TJP1: variants seen among roughly 807,000 people sequenced by gnomAD.
TJP1 encodes tight junction protein 1, also known as tight junction protein ZO-1.
TJP1 carries 43 observed loss-of-function variants against 194.2 expected under a neutral mutation model. That is an observed-to-expected ratio of 0.22 (90% CI 0.17 to 0.29). The LOEUF is 0.29. Among genes scored for constraint, TJP1 ranks in the 10% least tolerant of loss-of-function variants. The probability of loss-of-function intolerance (pLI) is 1.00; values close to 1 mark genes in which losing one functional copy is unlikely to be tolerated. For missense variants in TJP1, 1,971 were observed against 2,185.7 expected, an observed-to-expected ratio of 0.90 and a Z score of 1.96; for synonymous variants, 801 against 779.0, an observed-to-expected ratio of 1.03 and a Z score of -0.47.
intron 2 of TJP1, among the ~76,000 whole-genome samples, chr15:29,879,989 T>A (rs547533571): frequency 1.3e-5 from 2 of 152,328 alleles, no homozygotes; most frequent in South Asian, 4.2e-4. Context: ...TTCAACTGTG[T>A]TAGCTATTCT....
At chr15:29,901,147 A>G (rs997339885) in intron 2 of TJP1, among the ~76,000 whole-genome samples, 1 of 152,198 alleles carries the variant, frequency 6.6e-6, no homozygotes, top group South Asian at 2.1e-4. Context: ...AGAGAAGGGC[A>G]TTGACGGAAC....
chr15:29,871,566 A>G (rs1023021670), intron 2 of TJP1, among the ~76,000 whole-genome samples: 1 of 152,240 alleles, frequency 6.6e-6, no homozygotes, highest in Non-Finnish European at 1.5e-5. Flanking sequence ...AACCGCCTGG[A>G]GAGGCCTTCC....
At chr15:29,761,803 A>T (rs760924512) in intron 6 of TJP1, 34 bp from the exon 7 acceptor site, 2 of 1,480,298 alleles carry the variant, frequency 1.4e-6, no homozygotes, top group South Asian at 1.5e-5. Context: ...CTTGAAAGTA[A>T]ATAATAAAAT....
intron 2 of TJP1, among the ~76,000 whole-genome samples, chr15:29,891,945 A>G (rs751047299): frequency 2.8e-4 from 43 of 152,274 alleles, no homozygotes; most frequent in Non-Finnish European, 5.7e-4. Context: ...AAGGTCCGTC[A>G]TATTAAATCA....
At chr15:29,946,889 T>A (rs2055303550) in intron 2 of TJP1, among the ~76,000 whole-genome samples, 1 of 152,192 alleles carries the variant, frequency 6.6e-6, no homozygotes, top group Non-Finnish European at 1.5e-5. Flanking sequence ...GGTTGCACAG[T>A]AAAACAAGAC....
rs1008331952 is a variant in TJP1, at chr15:29,839,293, C to T, written c.307-38591G>A. Among the ~76,000 whole-genome samples the T allele has an allele frequency of 1.1e-4, 16 of 152,138 alleles. No homozygotes were observed. In the East Asian group the frequency reaches 1.6e-3, roughly 15 times the overall value. ...GATTACAGGTGTGAGCCACCGCACC[C>T]GGCCTAAATTCACCTATTGAAGGAC... On this transcript the variant is annotated intron_variant, in intron 2 of 28. Coordinates refer to the TJP1 transcript ENST00000356107.
chr15:29,770,679 C>CA (rs60161755), intron 4 of TJP1, among the ~76,000 whole-genome samples: 102 of 141,900 alleles, frequency 7.2e-4, no homozygotes, highest in Middle Eastern at 3.7e-3. Context: ...GACTCTGTCT[C>CA]AAAAAAAAAA....
At chr15:29,729,692 T>C (rs959777597) in intron 15 of TJP1, among the ~76,000 whole-genome samples, 114 of 151,672 alleles carry the variant, frequency 7.5e-4, no homozygotes, top group African/African-American at 2.7e-3. Flanking sequence ...TGGTGGCGGG[T>C]GCCTGTAGTC....
At chr15:29,800,619 A>G (rs2048719806) in intron 2 of TJP1, 27 bp downstream of exon 2, 3 of 1,612,678 alleles carry the variant, frequency 1.9e-6, no homozygotes, top group Admixed American at 1.7e-5. Flanking sequence ...AGTTATACAC[A>G]GATTACTTAC....
At position 29,733,163 on chromosome 15, in the gene TJP1, G is replaced by C; in HGVS notation, c.1667C>G (p.Ser556Cys). ...VDTLYNGKLG[S>C]WLAIRIGKNH... ...TTTACCAATTCGAATAGCAAGCCAA[G>C]AGCCCAGTTTTCCATTGTACAAGGT... The change falls in exon 13 of 28, where the codon TCT (serine) becomes TGT (cysteine). Residue 556 changes from serine to cysteine, a missense_variant. By Grantham distance (112) the Ser-to-Cys change is moderately radical. This residue lies in a region of TJP1 where 402 missense variants were observed against 484.2 expected (regional missense o/e 0.83). Transcript: ENST00000614355. The C allele has an allele frequency of 6.2e-7, 1 of 1,614,096 alleles. No individual in the cohort carries two copies. Among genetic ancestry groups the C allele is most frequent in the African/African-American group, 1.3e-5 (1 of 75,030 alleles).
chr15:29,856,935 A>G (rs1177360796), intron 2 of TJP1, among the ~76,000 whole-genome samples: 1 of 152,152 alleles, frequency 6.6e-6, no homozygotes, highest in Non-Finnish European at 1.5e-5. Context: ...CCTAAATAAT[A>G]CAATATAACA....
chr15:29,804,161 T>C (rs1346850984), intron 1 of TJP1, among the ~76,000 whole-genome samples: 12 of 152,148 alleles, frequency 7.9e-5, no homozygotes, highest in Admixed American at 7.9e-4. Flanking sequence ...GTTGTTTATA[T>C]AACCAGGCAG....
At chr15:29,773,155 A>G in intron 3 of TJP1, 78 bp downstream of exon 3, 1 of 1,499,034 alleles carries the variant, frequency 6.7e-7, no homozygotes, top group Non-Finnish European at 9.1e-7. Flanking sequence ...TCACTAAGAC[A>G]GTGTAAGACA....
intron 2 of TJP1, among the ~76,000 whole-genome samples, chr15:29,881,595 G>A (rs535324555): frequency 1.3e-5 from 2 of 152,250 alleles, no homozygotes; most frequent in African/African-American, 4.8e-5. Context: ...AATATTAACT[G>A]AATGTGACAG....
chr15:29,967,172 C>T (rs2056363268), intron 1 of TJP1, among the ~76,000 whole-genome samples: 1 of 151,948 alleles, frequency 6.6e-6, no homozygotes, highest in African/African-American at 2.4e-5. Context: ...CACCACCATG[C>T]CCGGGTAATT....
intron 1 of TJP1, among the ~76,000 whole-genome samples, chr15:29,810,933 G>A (rs747233590): frequency 2.6e-5 from 4 of 151,796 alleles, no homozygotes; most frequent in Non-Finnish European, 5.9e-5. Flanking sequence ...CAACTAGTAT[G>A]ACCTTTGTTC....
chr15:29,957,036 G>T (rs1404689736), intron 1 of TJP1, among the ~76,000 whole-genome samples: 1 of 152,142 alleles, frequency 6.6e-6, no homozygotes, highest in Non-Finnish European at 1.5e-5. Flanking sequence ...CCGGTGCCTA[G>T]CACACCCAGT....
At chr15:29,748,630 T>G (rs2151413928) in intron 8 of TJP1, among the ~76,000 whole-genome samples, 1 of 133,650 alleles carries the variant, frequency 7.5e-6, no homozygotes, top group East Asian at 2.4e-4. Flanking sequence ...TGGAGTGCAG[T>G]GGCACAATCA....
intron 2 of TJP1, among the ~76,000 whole-genome samples, chr15:29,940,119 A>C (rs1164951198): frequency 6.6e-6 from 1 of 152,208 alleles, no homozygotes; most frequent in Non-Finnish European, 1.5e-5. Context: ...ACAGCATCCA[A>C]GTCAGGTTCG....
Sources: gnomAD v4.1 joint callset for allele counts (sites outside exome capture counted in the v4.1 genomes callset) on GRCh38, gnomAD v4.1.1 for gene constraint, gnomAD v4.1.1 regional missense constraint, MANE v1.5 for transcripts, NCBI Gene and HGNC (gene_info 2026-07-23, HGNC 2026-07-21) for gene names.